COLGALT2: variants seen among roughly 807,000 people sequenced by gnomAD.
COLGALT2 encodes the protein collagen beta(1-O)galactosyltransferase 2, also known as procollagen galactosyltransferase 2.
COLGALT2 carries 49 observed loss-of-function variants against 73.4 expected under a neutral mutation model. The observed-to-expected ratio is 0.67, with a 90% CI of 0.53 to 0.85. The LOEUF is 0.85. COLGALT2 is among the 40% of genes least tolerant of loss of function. The pLI is 0.00. For synonymous variants in COLGALT2, 295 were observed against 307.6 expected (o/e 0.96, Z 0.43); for missense variants, 722 against 790.2 (o/e 0.91, Z 1.03).
In COLGALT2 at chr1:183,954,759, T is replaced by C. The variant is rs367634486; in HGVS notation, c.1029+3A>G. 1 of 1,609,042 alleles carries C rather than the reference T, an allele frequency of 6.2e-7. No homozygotes were observed. Among genetic ancestry groups the C allele is most frequent in the African/African-American group, 1.3e-5 (1 of 74,756 alleles). Reference sequence around the variant, plus strand: ...TGCACACACATATAGACACCTTTCCTACCTCATCAAATCCCATCTTGTCTG... The same window carrying C: ...TGCACACACATATAGACACCTTTCCCACCTCATCAAATCCCATCTTGTCTG... On this transcript the variant is annotated splice_donor_region_variant and intron_variant, in intron 7 of 11. Coordinates refer to ENST00000361927, the MANE Select transcript of COLGALT2 (RefSeq NM_015101.4).
intron 10 of COLGALT2, among the ~76,000 whole-genome samples, chr1:183,943,216 C>T (rs1169835728): frequency 6.6e-6 from 1 of 152,182 alleles, no homozygotes; most frequent in African/African-American, 2.4e-5. Context: ...CTCAGAGTGG[C>T]CCATTTTCTG....
intron 4 of COLGALT2, among the ~76,000 whole-genome samples, chr1:183,971,781 A>G (rs1413115235): frequency 6.6e-6 from 1 of 152,216 alleles, no homozygotes; most frequent in East Asian, 1.9e-4. Context: ...GATAGCTTGG[A>G]ATCCATAAAA....
intron 1 of COLGALT2, among the ~76,000 whole-genome samples, chr1:184,023,646 G>C (rs57044221): frequency 1.3e-3 from 95 of 72,412 alleles, no homozygotes; most frequent in Admixed American, 6.3e-3. Context: ...CGTGAGGTGG[G>C]GGGGGGGGGC....
intron 1 of COLGALT2, among the ~76,000 whole-genome samples, chr1:184,000,370 T>C (rs1671883925): frequency 6.6e-6 from 1 of 152,074 alleles, no homozygotes; most frequent in African/African-American, 2.4e-5. Context: ...TCTCCCTCAG[T>C]AGTTAACGGC....
intron 1 of COLGALT2, among the ~76,000 whole-genome samples, chr1:184,005,545 T>C (rs929102396): frequency 6.6e-5 from 10 of 152,148 alleles, no homozygotes; most frequent in Non-Finnish European, 1.2e-4. Context: ...TACCTGGTTA[T>C]ACTCAGAATT....
At chr1:183,990,693 G>C (rs1035206819) in intron 1 of COLGALT2, among the ~76,000 whole-genome samples, 1 of 152,194 alleles carries the variant, frequency 6.6e-6, no homozygotes, top group African/African-American at 2.4e-5. Flanking sequence ...CCAGAAAAAG[G>C]AACAACATAT....
At chr1:183,946,780 C>T (rs771299138) in intron 8 of COLGALT2, among the ~76,000 whole-genome samples, 1 of 152,088 alleles carries the variant, frequency 6.6e-6, no homozygotes, top group Admixed American at 6.6e-5. Context: ...GCCTGTAATC[C>T]CACGACTTTG....
intron 4 of COLGALT2, 152 bp downstream of exon 4, chr1:183,973,464 T>C: frequency 1.1e-6 from 1 of 918,162 alleles, no homozygotes; most frequent in Non-Finnish European, 1.7e-6. Flanking sequence ...GGACCCAGAT[T>C]TACTGCCCTT....
chr1:183,987,547 T>C (rs1319606308), intron 1 of COLGALT2, among the ~76,000 whole-genome samples: 2 of 152,246 alleles, frequency 1.3e-5, no homozygotes, highest in Non-Finnish European at 2.9e-5. Flanking sequence ...GTGTTATAAT[T>C]AACTGGTTCT....
intron 5 of COLGALT2, chr1:183,964,264 T>C (rs1670803564): frequency 4.6e-6 from 2 of 431,604 alleles, no homozygotes; most frequent in Admixed American, 4.2e-5. Context: ...TTTTTCCCTC[T>C]GAAGAAAAAG....
chr1:183,975,221 T>C lies in COLGALT2; in HGVS notation c.375-7A>G. The C allele has an allele frequency of 6.4e-7, 1 of 1,569,634 alleles. No individual in the cohort carries two copies. On this transcript the variant is annotated splice_polypyrimidine_tract_variant and splice_region_variant and intron_variant, in intron 2 of 11. Coordinates refer to ENST00000361927, the MANE Select transcript of COLGALT2 (RefSeq NM_015101.4). ...AATTTCATCAGGGTAAGACCTAAAA[T>C]AATAATAATAGCTCATCATTATTGA...
At chr1:184,031,893 C>G (rs926913985) in intron 1 of COLGALT2, among the ~76,000 whole-genome samples, 6 of 145,584 alleles carry the variant, frequency 4.1e-5, no homozygotes, top group Non-Finnish European at 7.6e-5. Context: ...CTTCCCTTAC[C>G]TTTTCCTTTT....
At position 183,937,564 on chromosome 1, in the gene COLGALT2, T is replaced by C. The variant is rs1056244212; in HGVS notation, c.*1197A>G. On this transcript the variant is annotated 3_prime_UTR_variant, in exon 12 of 12. Coordinates refer to ENST00000361927, the MANE Select transcript of COLGALT2 (RefSeq NM_015101.4). ...TTCTGACCAGGTTTCTCACCTGAGA[T>C]AGAGAATCATTTGTTTCCAAATAGT... The C allele has an allele frequency of 1.0e-6, 1 of 985,338 alleles. No homozygotes were observed. Among genetic ancestry groups the C allele is most frequent in the Non-Finnish European group, 1.2e-6 (1 of 829,934 alleles). The allele number at this position is 985,338 out of a possible 1,614,324, so 61.0% of individuals were successfully genotyped here. A position where few individuals can be genotyped will look rare whatever the true frequency, so the allele number is the denominator to read the frequency against.
chr1:184,006,236 G>A lies in COLGALT2; in HGVS notation c.264-27716C>T, dbSNP rs150705824. ...TATAAATAATGCATGGTGAATATTC[G>A]GTTCATAAATCTTTAACTGCAACTC... On this transcript the variant is annotated intron_variant, in intron 1 of 11. Transcript: ENST00000361927. 2.3e-3 allele frequency among the ~76,000 whole-genome samples: 349 copies of A among 152,110 alleles called. 1 individual carries two copies. Among genetic ancestry groups the A allele is most frequent in the African/African-American group, 7.7e-3 (319 of 41,470 alleles).
At chr1:184,011,539 C>T (rs1284067982) in intron 1 of COLGALT2, among the ~76,000 whole-genome samples, 2 of 152,230 alleles carry the variant, frequency 1.3e-5, no homozygotes, top group Non-Finnish European at 2.9e-5. Context: ...CCTCACTACT[C>T]TGATTTAAGG....
intron 5 of COLGALT2, among the ~76,000 whole-genome samples, chr1:183,968,730 G>A (rs915679704): frequency 4.6e-5 from 7 of 152,134 alleles, no homozygotes; most frequent in Admixed American, 1.3e-4. Flanking sequence ...TGGCTGAAAC[G>A]CATCCATGGT....
intron 1 of COLGALT2, among the ~76,000 whole-genome samples, chr1:184,025,649 A>G (rs1649310396): frequency 6.6e-6 from 1 of 152,236 alleles, no homozygotes; most frequent in Non-Finnish European, 1.5e-5. Context: ...ATGCCATTGC[A>G]AGGCTAGCTC....
At position 183,959,973 on chromosome 1, in the gene COLGALT2, G is replaced by C. The variant is rs1670654048; in HGVS notation, c.952+3928C>G. 2.0e-5 allele frequency among the ~76,000 whole-genome samples: 3 copies of C among 152,050 alleles called. 1 individual carries two copies. The South Asian group carries it at 6.2e-4, about 32-fold the overall frequency. On this transcript the variant is annotated intron_variant, in intron 6 of 11. Transcript: ENST00000361927. ...ACATTCTTCACCCAAATATTCATAT[G>C]GCTGCTTCCCAGATATATTGTCTAT... is the stretch of plus-strand genomic sequence containing the variant.
chr1:183,984,278 G>A (rs1671428895), intron 1 of COLGALT2, among the ~76,000 whole-genome samples: 2 of 152,220 alleles, frequency 1.3e-5, no homozygotes, highest in African/African-American at 2.4e-5. Flanking sequence ...GGTGGTGTGT[G>A]CCTGTAGTCC....
Sources: allele counts gnomAD v4.1 joint callset (sites outside exome capture counted in the v4.1 genomes callset), GRCh38; gene constraint gnomAD v4.1.1; transcripts MANE v1.5; gene names NCBI Gene and HGNC (gene_info 2026-07-23, HGNC 2026-07-21).